The following VIT variants were observed in gnomAD, a reference collection of about 807,000 sequenced individuals.
VIT encodes the protein vitrin.
Under a neutral mutation model 78.0 loss-of-function variants are expected in VIT, and 99 were observed. The observed-to-expected ratio is 1.27, with a 90% CI of 1.08 to 1.50. The LOEUF (loss-of-function observed/expected upper bound fraction) is 1.50, where lower values mean the gene tolerates loss of function less well. Ranked by LOEUF, VIT falls within the 40% of genes most tolerant of loss-of-function variation. The pLI, the probability that VIT is intolerant of heterozygous loss-of-function variation, is 0.00. For synonymous variants in VIT, 374 were observed against 334.3 expected (o/e 1.12, Z -1.29); for missense variants, 1,126 against 875.3 (o/e 1.29, Z -3.61).
At chr2:36,726,615 C>T (rs953986675) in intron 2 of VIT, among the ~76,000 whole-genome samples, 15 of 151,828 alleles carry the variant, frequency 9.9e-5, no homozygotes, top group Admixed American at 2.6e-4. Flanking sequence ...GTCAGGAGTT[C>T]GAGACTAGCC....
At chr2:36,715,136 T>A (rs1038993640) in intron 1 of VIT, among the ~76,000 whole-genome samples, 2 of 152,146 alleles carry the variant, frequency 1.3e-5, no homozygotes, top group Non-Finnish European at 2.9e-5. Context: ...CCATAGTCTC[T>A]CTCCTTCTAA....
chr2:36,749,101 G>A (rs1041643044), intron 4 of VIT, among the ~76,000 whole-genome samples: 2 of 152,212 alleles, frequency 1.3e-5, no homozygotes, highest in Non-Finnish European at 2.9e-5. Flanking sequence ...TTGATGGGGA[G>A]AGGAAGAGAA....
intron 15 of VIT, among the ~76,000 whole-genome samples, chr2:36,809,513 G>A (rs1014492571): frequency 2.6e-5 from 4 of 152,186 alleles, no homozygotes; most frequent in Non-Finnish European, 5.9e-5. Flanking sequence ...TGCCTCCCAG[G>A]TTGAAGCAAT....
rs542227975 is a variant in VIT at position 36,755,495 on chromosome 2, T to C, written c.409+441T>C. On this transcript the variant is annotated intron_variant, in intron 5 of 15. Transcript: ENST00000379242. ...CATATCAAGAGGCATATAATGGCAG[T>C]CTGTTCCATTGTTGGTGATGCTAAG... Among the ~76,000 whole-genome samples, 14 of 152,316 alleles carry C rather than the reference T, an allele frequency of 9.2e-5. No individual in the cohort carries two copies. The South Asian group carries it at 2.5e-3, about 27-fold the overall frequency.
intron 4 of VIT, among the ~76,000 whole-genome samples, chr2:36,747,332 G>T (rs188699984): frequency 9.2e-5 from 14 of 152,300 alleles, no homozygotes; most frequent in Admixed American, 8.5e-4. Context: ...CAAATGTTGA[G>T]TGTAAGTCCA....
intron 1 of VIT, among the ~76,000 whole-genome samples, chr2:36,713,142 G>T (rs1573125730): frequency 6.6e-6 from 1 of 152,316 alleles, no homozygotes; most frequent in East Asian, 1.9e-4. Context: ...ATTCATTGGT[G>T]GTGGGTGAGG....
chr2:36,720,557 C>G (rs955114236), intron 2 of VIT, among the ~76,000 whole-genome samples: 1 of 152,090 alleles, frequency 6.6e-6, no homozygotes, highest in African/African-American at 2.4e-5. Context: ...GGATGTTATA[C>G]TAAGTGAAAT....
At chr2:36,810,962 T>A (rs1667120506) in intron 15 of VIT, among the ~76,000 whole-genome samples, 1 of 152,198 alleles carries the variant, frequency 6.6e-6, no homozygotes, top group South Asian at 2.1e-4. Context: ...TTCAGTTATT[T>A]GGCAGGATTT....
chr2:36,809,364 T>C (rs1188794955), intron 15 of VIT, among the ~76,000 whole-genome samples: 2 of 152,220 alleles, frequency 1.3e-5, no homozygotes, highest in South Asian at 2.1e-4. Flanking sequence ...CTCTATTGAA[T>C]ATGTCAAATT....
chr2:36,737,440 G>A (rs1468795402), intron 3 of VIT, among the ~76,000 whole-genome samples: 1 of 152,190 alleles, frequency 6.6e-6, no homozygotes, highest in South Asian at 2.1e-4. Context: ...AACAATCAGT[G>A]AGATAAACAC....
At chr2:36,752,845 TC>T (rs1323888815) in intron 4 of VIT, among the ~76,000 whole-genome samples, 1 of 152,160 alleles carries the variant, frequency 6.6e-6, no homozygotes, top group Non-Finnish European at 1.5e-5. Context: ...GACCCAGCAA[TC>T]CCATTACTGG....
At chr2:36,697,188 A>C (rs973732996) in intron 1 of VIT, among the ~76,000 whole-genome samples, 1 of 152,232 alleles carries the variant, frequency 6.6e-6, no homozygotes, top group Non-Finnish European at 1.5e-5. Context: ...AACTGCATTG[A>C]TATTAATATT....
chr2:36,738,576 T>C lies in VIT; in HGVS notation c.119-4524T>C, dbSNP rs113519495. Among the ~76,000 whole-genome samples, 611 of 152,292 alleles carry C rather than the reference T, an allele frequency of 4.0e-3. 3 individuals are homozygous for C. The highest frequency in any genetic ancestry group is 0.014 in the African/African-American group (571 of 41,564). ...TTTATTCATTCAGCAGACATTCTCT[T>C]GAACAGCAGTGAACAAAACAGACAA... On this transcript the variant is annotated intron_variant, in intron 3 of 15. Transcript: ENST00000379242.
chr2:36,720,966 C>A (rs556149953), intron 2 of VIT, among the ~76,000 whole-genome samples: 1 of 151,544 alleles, frequency 6.6e-6, no homozygotes, highest in Non-Finnish European at 1.5e-5. Context: ...GCTGAGATTG[C>A]GCCTTTACAC....
In VIT at chr2:36,808,831, G is replaced by A. The variant is rs1198934312; in HGVS notation, c.1749G>A (p.Trp583Ter). 1.2e-6 allele frequency: 2 copies of A among 1,614,236 alleles called. No individual in the cohort carries two copies. The highest frequency in any genetic ancestry group is 1.7e-5 in the Admixed American group (1 of 60,030). Reference sequence around the variant, plus strand: ...ACGCCATCAAGAGGGTGGGCTACTGGAGTGGTGGCACCAGCACGGGGGCTG... The same window carrying A: ...ACGCCATCAAGAGGGTGGGCTACTGAAGTGGTGGCACCAGCACGGGGGCTG... ...ILNAIKRVGY[W>*]SGGTSTGAAI... The change falls in exon 15 of 16, where the codon TGG (tryptophan) becomes TGA (stop). Residue 583 changes from tryptophan (W) to a stop codon, truncating the protein, a stop_gained. Transcript: ENST00000379242. LOFTEE classifies it high-confidence loss of function.
At position 36,790,823 on chromosome 2, in the gene VIT, G is replaced by A. The variant is rs114640055; in HGVS notation, c.1058+3547G>A. Among the ~76,000 whole-genome samples, 601 of 152,276 alleles carry A rather than the reference G, an allele frequency of 3.9e-3. 7 individuals carry two copies. The highest frequency in any genetic ancestry group is 0.014 in the African/African-American group (581 of 41,546). On this transcript the variant is annotated intron_variant, in intron 12 of 15. Coordinates refer to ENST00000379242, the MANE Select transcript of VIT (RefSeq NM_053276.4). ...AGGCCAAGGATCAAGCCCCTGTCTT[G>A]CACATGAATTCTAAGTTCAAATTAT...
chr2:36,707,054 A>G (rs1665471508), intron 1 of VIT, among the ~76,000 whole-genome samples: 1 of 151,488 alleles, frequency 6.6e-6, no homozygotes, highest in Non-Finnish European at 1.5e-5. Flanking sequence ...TAGTGAGAAA[A>G]CTCTCTGCAG....
chr2:36,774,514 T>C lies in VIT; in HGVS notation c.737-488T>C, dbSNP rs976944214. 5.1e-6 allele frequency: 5 copies of C among 985,250 alleles called. No homozygotes were observed. The African/African-American group carries it at 8.7e-5, about 17-fold the overall frequency. 61.0% of individuals were successfully genotyped at this position (985,250 alleles called of 1,614,324 possible). ...CATTCCCTCTGAAGCCACAGGACACTAGGATCAGAAGCAGGTCTTCTCCCT... is the reference window on the plus strand; with the variant it reads ...CATTCCCTCTGAAGCCACAGGACACCAGGATCAGAAGCAGGTCTTCTCCCT... On this transcript the variant is annotated intron_variant, in intron 8 of 15. Coordinates refer to ENST00000379242, the MANE Select transcript of VIT (RefSeq NM_053276.4).
In VIT at chr2:36,814,509, C is replaced by T. The variant is rs1667426911; in HGVS notation, c.*148C>T. On this transcript the variant is annotated 3_prime_UTR_variant, in exon 16 of 16. Coordinates refer to ENST00000379242, the MANE Select transcript of VIT (RefSeq NM_053276.4). ...CTTGTTATTATTCTTTGCCATCATG[C>T]TTTTTCATATTCCAAAACTTGGAGT... 1 of 1,031,808 alleles carries T rather than the reference C, an allele frequency of 9.7e-7. No individual in the cohort carries two copies. The highest frequency in any genetic ancestry group is 1.3e-6 in the Non-Finnish European group (1 of 740,844). The allele number at this position is 1,031,808 out of a possible 1,614,324, so 63.9% of individuals were successfully genotyped here.
Sources: gnomAD v4.1 joint callset for allele counts (sites outside exome capture counted in the v4.1 genomes callset) on GRCh38, gnomAD v4.1.1 for gene constraint, MANE v1.5 for transcripts, NCBI Gene and HGNC (gene_info 2026-07-23, HGNC 2026-07-21) for gene names.